Variants in SPATA6 observed in about 807,000 individuals in gnomAD.
SPATA6 encodes the protein spermatogenesis associated 6.
A neutral mutation model predicts 65.3 loss-of-function variants in SPATA6; 56 were observed. The ratio of observed to expected loss-of-function variants is 0.86; its 90% CI spans 0.69 to 1.07. The LOEUF (loss-of-function observed/expected upper bound fraction) is 1.07. Among genes scored for constraint, SPATA6 ranks in the 50% least tolerant of loss-of-function variants. The pLI is 0.00. For missense variants in SPATA6, 590 were observed against 594.8 expected, an observed-to-expected ratio of 0.99 and a Z score of 0.08; for synonymous variants, 199 against 213.2, an observed-to-expected ratio of 0.93 and a Z score of 0.58.
At position 48,313,004 on chromosome 1, in the gene SPATA6, A is replaced by C. The variant is rs567651923; in HGVS notation, c.1195-7126T>G. Among the ~76,000 whole-genome samples the C allele has an allele frequency of 2.6e-5, 4 of 152,278 alleles. No homozygotes were observed. In the South Asian group the frequency reaches 8.3e-4, roughly 32 times the overall value. On this transcript the variant is annotated intron_variant, in intron 11 of 12. Coordinates refer to ENST00000371847, the MANE Select transcript of SPATA6 (RefSeq NM_019073.4). ...AGAAGTTTAGAGAAAAAAATAAATAAAAAGAAACTAACAAAGCCTCCAAGA... is the reference window on the plus strand; with the variant it reads ...AGAAGTTTAGAGAAAAAAATAAATACAAAGAAACTAACAAAGCCTCCAAGA...
chr1:48,277,557 C>T, the SPATA6 span, among the ~76,000 whole-genome samples: 1 of 152,240 alleles, frequency 6.6e-6, no homozygotes, highest in Admixed American at 6.5e-5. Context: ...GGTCCTACGC[C>T]CACAGAGTCT....
At chr1:48,324,383 A>C (rs569388122) in intron 11 of SPATA6, among the ~76,000 whole-genome samples, 2 of 152,342 alleles carry the variant, frequency 1.3e-5, no homozygotes, top group South Asian at 2.1e-4. Context: ...AGACAAAGAC[A>C]CATCAGAGAA....
intron 8 of SPATA6, among the ~76,000 whole-genome samples, chr1:48,391,373 T>A (rs533519625): frequency 6.0e-4 from 90 of 149,224 alleles, no homozygotes; most frequent in African/African-American, 2.0e-3. Flanking sequence ...AGATCCTGTC[T>A]CAAAAAAAAA....
At position 48,453,024 on chromosome 1, in the gene SPATA6, C is replaced by T. The variant is rs1553175246; in HGVS notation, c.159G>A (p.Leu53=). Residue 53 remains leucine, a synonymous_variant, in exon 2 of 13, where the codon CTG becomes CTA. Transcript: ENST00000371847. The part of the protein sequence containing the change: ...KTQCVPATFP[L]VFNARMVFEK... ...CAAACACCATTCTGGCATTGAAGACCAGGGGAAAAGTGGCTGGGACACATT... is the reference window on the plus strand; with the variant it reads ...CAAACACCATTCTGGCATTGAAGACTAGGGGAAAAGTGGCTGGGACACATT... The T allele has an allele frequency of 1.2e-6, 2 of 1,613,456 alleles. No homozygotes were observed. The highest frequency in any genetic ancestry group is 2.7e-5 in the African/African-American group (2 of 74,946).
Position 48,411,498 on chromosome 1 carries a change from C to A in SPATA6, c.371G>T (p.Arg124Leu), listed in dbSNP as rs142638384. Residue 124 changes from arginine (R) to leucine (L), a missense_variant, in exon 5 of 13, where the codon CGC (arginine) becomes CTC (leucine). Coordinates refer to ENST00000371847, the MANE Select transcript of SPATA6 (RefSeq NM_019073.4). ...AGAAATCCTCCTCATGGTAACCTGG[C>A]GGTTTGAATCATGGTGTCCAGACAT... is the stretch of plus-strand genomic sequence containing the variant. ...NQMSGHHDSN[R>L]QVTMRRISGL... 9.3e-6 allele frequency: 15 copies of A among 1,608,906 alleles called. No homozygotes were observed. The highest frequency in any genetic ancestry group is 1.2e-5 in the Non-Finnish European group (14 of 1,177,868).
chr1:48,424,773 C>A (rs1653681615), intron 3 of SPATA6, among the ~76,000 whole-genome samples: 1 of 152,124 alleles, frequency 6.6e-6, no homozygotes, highest in African/African-American at 2.4e-5. Flanking sequence ...TGCCAGTCTG[C>A]CATTTGTAAG....
chr1:48,388,790 C>A lies in SPATA6; in HGVS notation c.869-3441G>T, dbSNP rs186295396. ...GTGGCACGATTTTGGCTCACTGCAA[C>A]CTCCGCCTCCTGGGTTCAAGCGCTT... is the stretch of plus-strand genomic sequence containing the variant. On this transcript the variant is annotated intron_variant, in intron 8 of 12. Transcript: ENST00000371847. Among the ~76,000 whole-genome samples, 681 of 151,944 alleles carry A rather than the reference C, an allele frequency of 4.5e-3. 5 individuals carry two copies. Among genetic ancestry groups the A allele is most frequent in the African/African-American group, 0.016 (653 of 41,432 alleles).
At chr1:48,284,373 C>G in the SPATA6 span, among the ~76,000 whole-genome samples, 1 of 152,154 alleles carries the variant, frequency 6.6e-6, no homozygotes, top group Admixed American at 6.5e-5. Flanking sequence ...TGGGTTAGAA[C>G]ATGCTCCTTT....
chr1:48,287,081 G>C, the SPATA6 span, among the ~76,000 whole-genome samples: 9 of 150,436 alleles, frequency 6.0e-5, no homozygotes, highest in African/African-American at 2.2e-4. Flanking sequence ...TCACTGTTTT[G>C]CAGGCTGTAA....
chr1:48,347,484 T>C (rs968779317), intron 11 of SPATA6, among the ~76,000 whole-genome samples: 2 of 146,070 alleles, frequency 1.4e-5, no homozygotes, highest in Non-Finnish European at 1.5e-5. Context: ...TATATATTAT[T>C]AATGTATATA....
chr1:48,319,433 C>T (rs530440806), intron 11 of SPATA6, among the ~76,000 whole-genome samples: 10 of 152,242 alleles, frequency 6.6e-5, no homozygotes, highest in African/African-American at 2.2e-4. Context: ...TAACTATAAG[C>T]AGCTAGTGAG....
chr1:48,319,129 AT>A (rs1233137344), intron 11 of SPATA6, among the ~76,000 whole-genome samples: 1 of 152,206 alleles, frequency 6.6e-6, no homozygotes, highest in Non-Finnish European at 1.5e-5. Flanking sequence ...AAATTGATCA[AT>A]GACCTAAATG....
At chr1:48,313,028 G>A (rs1436871767) in intron 11 of SPATA6, among the ~76,000 whole-genome samples, 1 of 152,196 alleles carries the variant, frequency 6.6e-6, no homozygotes, top group Non-Finnish European at 1.5e-5. Context: ...AAGCCTCCAA[G>A]AAATATGGGA....
intron 1 of SPATA6, among the ~76,000 whole-genome samples, chr1:48,455,966 G>A (rs1656969768): frequency 6.6e-6 from 1 of 152,128 alleles, no homozygotes; most frequent in African/African-American, 2.4e-5. Context: ...AAAATACCTA[G>A]CAAGGTGGTT....
chr1:48,422,384 T>C (rs888959712), intron 3 of SPATA6, among the ~76,000 whole-genome samples: 1 of 151,870 alleles, frequency 6.6e-6, no homozygotes, highest in Non-Finnish European at 1.5e-5. Context: ...AAAAGAGAAA[T>C]GAAAGACTGG....
At chr1:48,386,499 A>G (rs1472755956) in intron 8 of SPATA6, among the ~76,000 whole-genome samples, 1 of 152,212 alleles carries the variant, frequency 6.6e-6, no homozygotes, top group East Asian at 1.9e-4. Flanking sequence ...TCATACATTG[A>G]ATAGATCAGC....
intron 5 of SPATA6, among the ~76,000 whole-genome samples, chr1:48,408,485 T>C (rs2256579): frequency 0.82 from 125,046 of 152,170 alleles, 51,734 homozygotes; most frequent in Middle Eastern, 0.91. Flanking sequence ...TATTTTACAA[T>C]TAATCTATCT....
At chr1:48,354,623 G>A (rs1437292699) in intron 11 of SPATA6, among the ~76,000 whole-genome samples, 2 of 152,024 alleles carry the variant, frequency 1.3e-5, no homozygotes. Flanking sequence ...TTGCAAAAAC[G>A]CTTGAATTGA....
intron 5 of SPATA6, among the ~76,000 whole-genome samples, chr1:48,411,088 TAAAGA>T (rs1019307079): frequency 2.6e-5 from 4 of 151,890 alleles, no homozygotes; most frequent in African/African-American, 9.7e-5. Flanking sequence ...GAGAGAAAAA[TAAAGA>T]GAAGAAAGAG....
Sources: allele counts gnomAD v4.1 joint callset (sites outside exome capture counted in the v4.1 genomes callset), GRCh38; gene constraint gnomAD v4.1.1; transcripts MANE v1.5; gene names NCBI Gene and HGNC (gene_info 2026-07-23, HGNC 2026-07-21).